Variants in ARB2A observed in about 807,000 individuals in gnomAD.
ARB2A encodes cotranscriptional regulator ARB2A.
At chr5:93,898,654 A>T in the ARB2A span, among the ~76,000 whole-genome samples, 1 of 152,054 alleles carries the variant, frequency 6.6e-6, no homozygotes, top group Non-Finnish European at 1.5e-5. Flanking sequence ...CTTTCTTCTG[A>T]GTCAATATGG....
At chr5:93,643,723 A>T in the ARB2A span, among the ~76,000 whole-genome samples, 60 of 152,170 alleles carry the variant, frequency 3.9e-4, no homozygotes, top group African/African-American at 1.4e-3. Context: ...CAAACTCCTG[A>T]TCTCAGGTGA....
At chr5:93,781,918 T>G in the ARB2A span, 23 of 985,266 alleles carry the variant, frequency 2.3e-5, no homozygotes, top group Non-Finnish European at 2.8e-5. Context: ...AATCCAGGTT[T>G]GTTTCTCTTC....
the ARB2A span, chr5:93,683,581 G>A: frequency 3.4e-5 from 50 of 1,453,240 alleles, 1 homozygote; most frequent in Non-Finnish European, 1.4e-5. Context: ...TAAACTGGCC[G>A]TTCTTAAGGA....
At chr5:94,076,113 C>T in the ARB2A span, among the ~76,000 whole-genome samples, 2 of 152,144 alleles carry the variant, frequency 1.3e-5, no homozygotes, top group Admixed American at 1.3e-4. Flanking sequence ...ATCACGGCTT[C>T]ATCACTTAAT....
At chr5:93,980,526 T>C in the ARB2A span, among the ~76,000 whole-genome samples, 2 of 152,144 alleles carry the variant, frequency 1.3e-5, no homozygotes, top group Non-Finnish European at 2.9e-5. Context: ...CTTCAAATAT[T>C]TCCTCACTCT....
the ARB2A span, chr5:93,739,534 CAATA>C: frequency 4.6e-5 from 7 of 151,944 alleles, no homozygotes; most frequent in Non-Finnish European, 7.4e-5. Context: ...AATTCTAGGA[CAATA>C]AATAGAGCAT....
the ARB2A span, among the ~76,000 whole-genome samples, chr5:94,097,411 C>A: frequency 6.6e-6 from 1 of 152,212 alleles, no homozygotes; most frequent in Admixed American, 6.5e-5. Flanking sequence ...TATGTCCCCA[C>A]CCAAATCTCA....
the ARB2A span, among the ~76,000 whole-genome samples, chr5:93,711,199 T>A: frequency 2.0e-5 from 3 of 151,468 alleles, no homozygotes; most frequent in Non-Finnish European, 2.9e-5. Context: ...TTCTATTTTT[T>A]TTTTTGTTTT....
chr5:94,048,330 G>A, the ARB2A span, among the ~76,000 whole-genome samples: 7 of 152,098 alleles, frequency 4.6e-5, no homozygotes, highest in African/African-American at 1.7e-4. Flanking sequence ...TGGTATTACA[G>A]GCGTGAGCCA....
the ARB2A span, among the ~76,000 whole-genome samples, chr5:93,662,563 T>G: frequency 1.3e-5 from 2 of 152,328 alleles, no homozygotes; most frequent in East Asian, 3.9e-4. Flanking sequence ...ACATAAAATA[T>G]ATTTATACAC....
the ARB2A span, among the ~76,000 whole-genome samples, chr5:93,902,078 T>C: frequency 6.6e-6 from 1 of 152,060 alleles, no homozygotes; most frequent in Non-Finnish European, 1.5e-5. Flanking sequence ...AGGTAGTAGA[T>C]AAGATATATA....
chr5:93,857,782 G>A, the ARB2A span, among the ~76,000 whole-genome samples: 1,702 of 152,240 alleles, frequency 0.011, 30 homozygotes, highest in African/African-American at 0.039. Flanking sequence ...CGCATGGTGC[G>A]CTGCACCCAC....
the ARB2A span, among the ~76,000 whole-genome samples, chr5:94,058,492 T>G: frequency 6.6e-6 from 1 of 152,148 alleles, no homozygotes; most frequent in Non-Finnish European, 1.5e-5. Flanking sequence ...AAAAAATGTT[T>G]AATCATTAAT....
At chr5:93,755,890 C>T in the ARB2A span, among the ~76,000 whole-genome samples, 1 of 152,144 alleles carries the variant, frequency 6.6e-6, no homozygotes, top group Non-Finnish European at 1.5e-5. Flanking sequence ...GGCCAGAACT[C>T]GGGGGAGGGT....
chr5:93,724,426 A>G, the ARB2A span, among the ~76,000 whole-genome samples: 4 of 152,070 alleles, frequency 2.6e-5, no homozygotes, highest in African/African-American at 4.8e-5. Context: ...ACCATTGATT[A>G]TAAGATTCAT....
At chr5:94,004,115 C>G in the ARB2A span, among the ~76,000 whole-genome samples, 1 of 152,102 alleles carries the variant, frequency 6.6e-6, no homozygotes, top group East Asian at 1.9e-4. Context: ...ATTCACAGTG[C>G]TGGAGCAACT....
the ARB2A span, chr5:93,738,793 G>C: frequency 6.6e-6 from 1 of 152,220 alleles, no homozygotes; most frequent in Non-Finnish European, 1.5e-5. Context: ...AGGGGATAGG[G>C]GAATGGAGTT....
At chr5:93,912,498 C>A in the ARB2A span, among the ~76,000 whole-genome samples, 1 of 151,654 alleles carries the variant, frequency 6.6e-6, no homozygotes, top group Non-Finnish European at 1.5e-5. Flanking sequence ...CATCCACTTA[C>A]CTAAAAAGTT....
the ARB2A span, among the ~76,000 whole-genome samples, chr5:94,085,692 A>G: frequency 1.3e-5 from 2 of 152,188 alleles, no homozygotes; most frequent in Admixed American, 1.3e-4. Context: ...ATCACTGGGG[A>G]CCATCTTAGA....
Sources: gnomAD v4.1 joint callset for allele counts (sites outside exome capture counted in the v4.1 genomes callset) on GRCh38, gnomAD v4.1.1 for gene constraint, MANE v1.5 for transcripts, NCBI Gene and HGNC (gene_info 2026-07-23, HGNC 2026-07-21) for gene names.